Variants in CNTNAP2 observed in about 807,000 individuals in gnomAD.
The protein encoded by CNTNAP2 is contactin-associated protein-like 2.
Under a neutral mutation model 155.2 loss-of-function variants are expected in CNTNAP2, and 98 were observed. The ratio of observed to expected loss-of-function variants is 0.63; its 90% CI spans 0.54 to 0.75. CNTNAP2 has a LOEUF of 0.75. Among genes scored for constraint, CNTNAP2 ranks in the 30% least tolerant of loss-of-function variants. The pLI is 0.00. For missense variants in CNTNAP2, 1,727 were observed against 1,688.1 expected, an observed-to-expected ratio of 1.02 and a Z score of -0.40; for synonymous variants, 651 against 631.2, an observed-to-expected ratio of 1.03 and a Z score of -0.47.
At chr7:148,285,346 T>C (rs57698696) in intron 21 of CNTNAP2, among the ~76,000 whole-genome samples, 22,198 of 152,316 alleles carry the variant, frequency 0.15, 2,089 homozygotes, top group African/African-American at 0.26. Flanking sequence ...GGTAAATTCA[T>C]TTTCCAACTG....
At chr7:147,457,528 G>C (rs6464805) in intron 10 of CNTNAP2, among the ~76,000 whole-genome samples, 116,085 of 151,646 alleles carry the variant, frequency 0.77, 44,640 homozygotes, top group African/African-American at 0.84. Context: ...TTTATCTCCT[G>C]TCGTGAGACT....
At chr7:148,295,495 A>ATTT (rs770172459) in intron 21 of CNTNAP2, among the ~76,000 whole-genome samples, 2 of 146,024 alleles carry the variant, frequency 1.4e-5, no homozygotes, top group African/African-American at 2.5e-5. Context: ...ATTTTAATCA[A>ATTT]TTTTTTTTTT....
At chr7:147,694,586 T>C (rs937437365) in intron 13 of CNTNAP2, among the ~76,000 whole-genome samples, 1 of 152,156 alleles carries the variant, frequency 6.6e-6, no homozygotes, top group African/African-American at 2.4e-5. Context: ...AATTGGCCCA[T>C]TTCATCTAGG....
chr7:148,160,784 CCT>C (rs1805517872), intron 17 of CNTNAP2, among the ~76,000 whole-genome samples: 1 of 151,944 alleles, frequency 6.6e-6, no homozygotes, highest in Non-Finnish European at 1.5e-5. Context: ...TCTTACCTAC[CCT>C]GTTTAAACAC....
At chr7:146,412,935 C>T (rs1006251496) in intron 1 of CNTNAP2, among the ~76,000 whole-genome samples, 2 of 152,160 alleles carry the variant, frequency 1.3e-5, no homozygotes, top group Non-Finnish European at 2.9e-5. Context: ...TTTTATACCT[C>T]ATCAGATAGA....
At chr7:147,953,903 T>C (rs1370914895) in intron 14 of CNTNAP2, among the ~76,000 whole-genome samples, 1 of 152,144 alleles carries the variant, frequency 6.6e-6, no homozygotes, top group East Asian at 1.9e-4. Context: ...TTAGGGCCCA[T>C]CTTAATCAAG....
At chr7:148,152,905 C>T (rs1268609039) in intron 17 of CNTNAP2, among the ~76,000 whole-genome samples, 2 of 151,058 alleles carry the variant, frequency 1.3e-5, no homozygotes, top group Non-Finnish European at 2.9e-5. Flanking sequence ...CCTGTAGTCC[C>T]AGCTACTCGG....
intron 8 of CNTNAP2, among the ~76,000 whole-genome samples, chr7:147,151,179 G>A (rs1801816975): frequency 6.6e-6 from 1 of 152,136 alleles, no homozygotes; most frequent in Non-Finnish European, 1.5e-5. Flanking sequence ...TACAGAGGCC[G>A]AGTTGGTACT....
intron 8 of CNTNAP2, among the ~76,000 whole-genome samples, chr7:147,161,001 C>T (rs966042158): frequency 3.3e-5 from 5 of 152,084 alleles, no homozygotes; most frequent in Admixed American, 1.3e-4. Flanking sequence ...TTTTTAGCTG[C>T]GACATTAGAC....
chr7:146,762,809 C>T (rs1802126432), intron 1 of CNTNAP2, among the ~76,000 whole-genome samples: 1 of 152,072 alleles, frequency 6.6e-6, no homozygotes, highest in Non-Finnish European at 1.5e-5. Context: ...GTAGCATGTA[C>T]AGGGGAACTC....
At position 148,112,779 on chromosome 7, in the gene CNTNAP2, G is replaced by A. The variant is rs561974514; in HGVS notation, c.2384-5339G>A. On this transcript the variant is annotated intron_variant, in intron 15 of 23. Coordinates refer to ENST00000361727, the MANE Select transcript of CNTNAP2 (RefSeq NM_014141.6). The stretch of plus-strand genomic sequence containing the variant: ...GGGCTGGGGAAGCAGGCTTATAAAA[G>A]TGCTAAATTCTCATCTTATATTCAG... Among the ~76,000 whole-genome samples the A allele has an allele frequency of 9.9e-5, 15 of 151,926 alleles. No individual in the cohort carries two copies. The East Asian group carries it at 2.5e-3, about 25-fold the overall frequency.
chr7:148,143,500 A>T (rs1181236949), intron 16 of CNTNAP2, among the ~76,000 whole-genome samples: 1 of 152,098 alleles, frequency 6.6e-6, no homozygotes, highest in East Asian at 1.9e-4. Flanking sequence ...GCAACATGGC[A>T]AAACCCCATC....
rs73475245 is a variant in CNTNAP2 at position 147,395,316 on chromosome 7, A to G, written c.1499-293A>G. ...AGTGAGTCTTTGACAGCAGAGGGAC[A>G]GAAAGATGTGACAGTGAGAAAGATG... On this transcript the variant is annotated intron_variant, in intron 9 of 23. Coordinates refer to ENST00000361727, the MANE Select transcript of CNTNAP2 (RefSeq NM_014141.6). Among the ~76,000 whole-genome samples the G allele has an allele frequency of 0.033, 5,049 of 152,140 alleles. 109 individuals carry two copies. The highest frequency in any genetic ancestry group is 0.045 in the South Asian group (219 of 4,830).
At chr7:146,188,594 C>T (rs555964225) in intron 1 of CNTNAP2, among the ~76,000 whole-genome samples, 2 of 152,254 alleles carry the variant, frequency 1.3e-5, no homozygotes, top group Admixed American at 6.5e-5. Context: ...ACCTTGGACT[C>T]ATCTGATTCT....
At chr7:148,405,603 A>ATT (rs535094195) in intron 22 of CNTNAP2, among the ~76,000 whole-genome samples, 1,780 of 36,836 alleles carry the variant, frequency 0.048, 315 homozygotes, top group Non-Finnish European at 0.064. Flanking sequence ...TGCACAGCTA[A>ATT]TTTTTTTTTT....
At chr7:146,705,062 AC>A (rs1800940124) in intron 1 of CNTNAP2, among the ~76,000 whole-genome samples, 1 of 152,094 alleles carries the variant, frequency 6.6e-6, no homozygotes, top group African/African-American at 2.4e-5. Context: ...TTTGGGAGGC[AC>A]CCTTGTCCCC....
At chr7:146,296,990 G>A (rs1309143235) in intron 1 of CNTNAP2, among the ~76,000 whole-genome samples, 1 of 152,036 alleles carries the variant, frequency 6.6e-6, no homozygotes, top group Non-Finnish European at 1.5e-5. Flanking sequence ...TTCTGTGTGT[G>A]TGTTTGTGTT....
intron 1 of CNTNAP2, among the ~76,000 whole-genome samples, chr7:146,255,380 C>G (rs555089603): frequency 2.6e-4 from 39 of 152,136 alleles, no homozygotes; most frequent in African/African-American, 8.9e-4. Flanking sequence ...TTTTTCATAC[C>G]GAAGAGTAGA....
chr7:147,293,480 A>G (rs111524663), intron 8 of CNTNAP2, among the ~76,000 whole-genome samples: 4 of 152,134 alleles, frequency 2.6e-5, no homozygotes, highest in Admixed American at 6.5e-5. Flanking sequence ...TATTAATAAG[A>G]TATATTAGTA....
Sources: gnomAD v4.1 joint callset for allele counts (sites outside exome capture counted in the v4.1 genomes callset) on GRCh38, gnomAD v4.1.1 for gene constraint, MANE v1.5 for transcripts, NCBI Gene and HGNC (gene_info 2026-07-23, HGNC 2026-07-21) for gene names.